The following EEF1G variants were observed in gnomAD, a reference collection of about 807,000 sequenced individuals.
The protein encoded by EEF1G is elongation factor 1-gamma.
EEF1G carries 14 observed loss-of-function variants against 58.3 expected under a neutral mutation model. That is an observed-to-expected ratio of 0.24 (90% CI 0.16 to 0.38). The LOEUF is 0.38. EEF1G is among the 10% of genes least tolerant of loss of function. The probability of loss-of-function intolerance (pLI) is 1.00; values close to 1 mark genes in which losing one functional copy is unlikely to be tolerated. For synonymous variants in EEF1G, 180 were observed against 206.8 expected (o/e 0.87, Z 1.11); for missense variants, 322 against 550.1 (o/e 0.59, Z 4.15).
intron 5 of EEF1G, among the ~76,000 whole-genome samples, chr11:62,568,921 C>T (rs978683208): frequency 1.3e-5 from 2 of 151,402 alleles, no homozygotes; most frequent in African/African-American, 4.9e-5. Context: ...TGCAGTGAGC[C>T]GAGATCGCGC....
rs1474435138 is a variant in EEF1G at position 62,560,270 on chromosome 11, C to G, written c.1030+12G>C. On this transcript the variant is annotated intron_variant, in intron 8 of 9. Transcript: ENST00000329251. Reference sequence around the variant, plus strand: ...ACCTTGTTCTCCTTCCTTCTCAGACCCACTCTCTTACCAGTGATGAGATTG... The same window carrying G: ...ACCTTGTTCTCCTTCCTTCTCAGACGCACTCTCTTACCAGTGATGAGATTG... 6.2e-7 allele frequency: 1 copy of G among 1,613,762 alleles called. No homozygotes were observed. Among genetic ancestry groups the G allele is most frequent in the Admixed American group, 1.7e-5 (1 of 59,982 alleles).
chr11:62,571,980 G>A (rs936326591), intron 2 of EEF1G, 79 bp from the exon 3 acceptor site: 11 of 1,199,564 alleles, frequency 9.2e-6, no homozygotes, highest in Non-Finnish European at 1.1e-5. Flanking sequence ...AAACTGCTTT[G>A]AAAATACTTA....
chr11:62,561,031 TG>T (rs1164379762), intron 7 of EEF1G, among the ~76,000 whole-genome samples: 3 of 152,238 alleles, frequency 2.0e-5, no homozygotes, highest in Admixed American at 2.0e-4. Flanking sequence ...TCTGGCATAC[TG>T]AGCCAAGAAT....
Position 62,572,607 on chromosome 11 carries a change from G to T in EEF1G, c.148C>A (p.Leu50Ile). ...ACCTTGCCGGCAGGAAATTTGCGGA[G>T]AAATTCAGGGGTGCGGTTGGTTTGG... ...FGQTNRTPEF[L>I]RKFPAGKVPA... The change falls in exon 2 of 10, where the codon CTC becomes ATC. Residue 50 changes from leucine (L) to isoleucine (I), a missense_variant. Physicochemically the swap from Leu to Ile is conservative, Grantham distance 5 (BLOSUM62 2). Around this residue, in one of 3 missense-constraint regions of EEF1G, gnomAD observed 62 missense variants for 87.0 expected, o/e 0.71. Transcript: ENST00000329251. The T allele has an allele frequency of 1.2e-6, 2 of 1,612,162 alleles. No individual in the cohort carries two copies. The highest frequency in any genetic ancestry group is 1.1e-5 in the South Asian group (1 of 91,000).
chr11:62,572,779 A>G (rs774354418), intron 1 of EEF1G, 37 bp from the exon 2 acceptor site: 1 of 1,586,068 alleles, frequency 6.3e-7, no homozygotes, highest in Non-Finnish European at 8.6e-7. Flanking sequence ...TAATGAGTAG[A>G]AGGGTCCCAG....
intron 7 of EEF1G, among the ~76,000 whole-genome samples, chr11:62,565,034 C>T (rs1441197480): frequency 6.6e-6 from 1 of 151,884 alleles, no homozygotes; most frequent in East Asian, 1.9e-4. Context: ...GATCACACCA[C>T]TGCACTCCAG....
Position 62,560,102 on chromosome 11 carries a change from G to C in EEF1G, c.1122C>G (p.Val374=). 5 of 1,614,040 alleles carry C rather than the reference G, an allele frequency of 3.1e-6. No individual in the cohort carries two copies. Among genetic ancestry groups the C allele is most frequent in the Non-Finnish European group, 3.4e-6 (4 of 1,179,906 alleles). ...CAAGCTCCTGGCCTCGGAAGACCCA[G>C]ACTCCAGAAATGGAGCTGCTATTGT... ...GTNNSSSISG[V]WVFRGQELAF... is the part of the protein sequence containing the mutation. Residue 374 remains valine, a synonymous_variant, in exon 9 of 10, where the codon GTC becomes GTG. Transcript: ENST00000329251.
At chr11:62,566,084 C>A (rs553351118) in intron 7 of EEF1G, among the ~76,000 whole-genome samples, 1 of 152,180 alleles carries the variant, frequency 6.6e-6, no homozygotes, top group African/African-American at 2.4e-5. Context: ...GCTTGAACTC[C>A]CAATAAAATG....
In EEF1G at chr11:62,567,485, C is replaced by A. The variant is rs1486510908; in HGVS notation, c.566G>T (p.Arg189Leu). The change falls in exon 6 of 10, where the codon CGC becomes CTC. Residue 189 changes from arginine to leucine, a missense_variant. Physicochemically the swap from Arg to Leu is moderately radical, Grantham distance 102. Coordinates refer to ENST00000329251, the MANE Select transcript of EEF1G (RefSeq NM_001404.5). ...SFRQAFPNTN[R>L]WFLTCINQPQ... ...CTGGTTAATGCAGGTGAGGAACCAG[C>A]GGTTGGTATTGGGAAAGGCCTGGCG... 1 of 1,611,476 alleles carries A rather than the reference C, an allele frequency of 6.2e-7. No homozygotes were observed. The highest frequency in any genetic ancestry group is 1.7e-5 in the Admixed American group (1 of 59,668).
intron 1 of EEF1G, 88 bp downstream of exon 1, chr11:62,573,743 C>T: frequency 1.3e-6 from 2 of 1,585,358 alleles, no homozygotes; most frequent in East Asian, 2.2e-5. Context: ...CACTCAACCT[C>T]AGAACTCCTC....
At chr11:62,573,511 G>A (rs1941663470) in intron 1 of EEF1G, 1 of 504,022 alleles carries the variant, frequency 2.0e-6, no homozygotes, top group South Asian at 2.4e-5. Flanking sequence ...CCACAAAACG[G>A]ACACAGAAGT....
chr11:62,566,519 T>G (rs1032990615), intron 7 of EEF1G, among the ~76,000 whole-genome samples: 15 of 152,214 alleles, frequency 9.9e-5, no homozygotes, highest in African/African-American at 3.6e-4. Context: ...TCAAATGAGC[T>G]TGCTCAAAAC....
At chr11:62,568,212 A>AGG (rs1941580652) in intron 5 of EEF1G, among the ~76,000 whole-genome samples, 1 of 1,912 alleles carries the variant, frequency 5.2e-4, no homozygotes, top group African/African-American at 7.7e-4. Flanking sequence ...TGGGTGACAG[A>AGG]GTGACTCTGT....
At chr11:62,569,242 C>T (rs1206714658) in intron 5 of EEF1G, among the ~76,000 whole-genome samples, 2 of 152,122 alleles carry the variant, frequency 1.3e-5, no homozygotes, top group African/African-American at 2.4e-5. Context: ...GAGGCCGAGG[C>T]GGGTGGATCA....
intron 6 of EEF1G, 185 bp from the exon 7 acceptor site, chr11:62,567,195 C>T (rs1158256999): frequency 1.1e-6 from 1 of 920,738 alleles, no homozygotes; most frequent in Non-Finnish European, 1.6e-6. Flanking sequence ...GCAACAAATA[C>T]TTTATATCGC....
In EEF1G at chr11:62,571,658, C is replaced by G; in HGVS notation, c.260G>C (p.Ser87Thr). 6.3e-7 allele frequency: 1 copy of G among 1,586,708 alleles called. No individual in the cohort carries two copies. Among genetic ancestry groups the G allele is most frequent in the Non-Finnish European group, 8.6e-7 (1 of 1,166,662 alleles). The change falls in exon 4 of 10, where the codon AGT becomes ACT. Residue 87 changes from serine (S) to threonine (T), a missense_variant. By Grantham distance (58) the Ser-to-Thr change is moderately conservative. Transcript: ENST00000329251. ...YYVSNEELRG[S>T]TPEAAAQVVQ... ...CACCTGGGCTGCTGCCTCTGGAGTA[C>G]TTCCCCGCAGCTCCTCATTGCTCAC... is the stretch of plus-strand genomic sequence containing the variant.
chr11:62,573,015 A>G (rs564243792), intron 1 of EEF1G: 82 of 263,738 alleles, frequency 3.1e-4, no homozygotes, highest in Non-Finnish European at 4.6e-4. Flanking sequence ...TCTCAAATCT[A>G]TCTCCAAGAA....
chr11:62,568,902 G>A (rs567036810), intron 5 of EEF1G, among the ~76,000 whole-genome samples: 4 of 152,114 alleles, frequency 2.6e-5, no homozygotes, highest in South Asian at 2.1e-4. Context: ...GAACCCGGGA[G>A]GCAGAAGTTG....
intron 7 of EEF1G, among the ~76,000 whole-genome samples, chr11:62,561,449 C>G (rs1159482608): frequency 1.4e-5 from 2 of 145,608 alleles, no homozygotes; most frequent in African/African-American, 5.1e-5. Flanking sequence ...CCGAGGCGGG[C>G]GGATCACGAG....
Sources: allele counts gnomAD v4.1 joint callset (sites outside exome capture counted in the v4.1 genomes callset), GRCh38; gene constraint gnomAD v4.1.1; regional missense constraint gnomAD v4.1.1; transcripts MANE v1.5; gene names NCBI Gene and HGNC (gene_info 2026-07-23, HGNC 2026-07-21).